NR2F6: variants seen among roughly 807,000 people sequenced by gnomAD.
NR2F6 encodes the protein nuclear receptor subfamily 2 group F member 6, also known as ERBA-related gene-2.
In NR2F6, 16 loss-of-function variants were observed where a neutral mutation model predicts 26.5. The ratio of observed to expected loss-of-function variants is 0.60; its 90% confidence interval spans 0.41 to 0.92. The LOEUF is 0.92. Ranked by LOEUF, NR2F6 falls within the 40% of genes least tolerant of loss-of-function variation. The pLI, the probability that NR2F6 is intolerant of heterozygous loss-of-function variation, is 0.00. For missense variants in NR2F6, 536 were observed against 631.7 expected, an observed-to-expected ratio of 0.85 and a Z score of 1.62; for synonymous variants, 325 against 305.0, an observed-to-expected ratio of 1.07 and a Z score of -0.68.
intron 1 of NR2F6, among the ~76,000 whole-genome samples, chr19:17,241,982 T>G (rs551504213): frequency 1.5e-5 from 2 of 137,682 alleles, no homozygotes; most frequent in African/African-American, 5.5e-5. Context: ...ACCCACTGCA[T>G]TCCAGCCAGG....
In NR2F6 at chr19:17,232,359, C is replaced by G. The variant is rs770595526; in HGVS notation, c.1208G>C (p.Gly403Ala). ...GSTFNWPYGS[G>A]Q is the part of the protein sequence containing the mutation. Reference sequence around the variant, plus strand: ...CACGTGGCCCCGTCATGGTCACTGGCCCGAGCCGTAGGGCCAGTTGAAGGT... The same window carrying G: ...CACGTGGCCCCGTCATGGTCACTGGGCCGAGCCGTAGGGCCAGTTGAAGGT... Residue 403 changes from glycine (G) to alanine (A), a missense_variant, in exon 4 of 4, where the codon GGC (glycine) becomes GCC (alanine). By Grantham distance (60) the Gly-to-Ala change is moderately conservative. Coordinates refer to ENST00000291442, the MANE Select transcript of NR2F6 (RefSeq NM_005234.4). 6 of 1,613,710 alleles carry G rather than the reference C, an allele frequency of 3.7e-6. No individual in the cohort carries two copies. Among genetic ancestry groups the G allele is most frequent in the Non-Finnish European group, 4.2e-6 (5 of 1,180,042 alleles).
chr19:17,239,236 C>A (rs1206993671), intron 2 of NR2F6, among the ~76,000 whole-genome samples: 1 of 152,042 alleles, frequency 6.6e-6, no homozygotes, highest in Admixed American at 6.6e-5. Flanking sequence ...ACTCAGGAGG[C>A]TGAGGCAGGA....
At position 17,235,397 on chromosome 19, in the gene NR2F6, C is replaced by A. The variant is rs370386709; in HGVS notation, c.940+102G>T. 9 of 1,494,566 alleles carry A rather than the reference C, an allele frequency of 6.0e-6. No homozygotes were observed. Among genetic ancestry groups the A allele is most frequent in the Non-Finnish European group, 8.0e-6 (9 of 1,128,190 alleles). 92.6% of individuals were successfully genotyped at this position (1,494,566 alleles called of 1,614,324 possible). ...CGTGCAGGGCCCCAGGCCTAGGGAGCGAGCGGGGCGCTATGGGGGCCGGAG... is the reference window on the plus strand; with the variant it reads ...CGTGCAGGGCCCCAGGCCTAGGGAGAGAGCGGGGCGCTATGGGGGCCGGAG... On this transcript the variant is annotated intron_variant, in intron 3 of 3. Transcript: ENST00000291442. The surrounding 1 kb of genome is among the most constrained non-coding windows in gnomAD (Gnocchi z 5.0).
intron 3 of NR2F6, among the ~76,000 whole-genome samples, chr19:17,233,339 A>T (rs1216278274): frequency 6.7e-6 from 1 of 149,872 alleles, no homozygotes; most frequent in Non-Finnish European, 1.5e-5. Flanking sequence ...ACAAAACAAA[A>T]CAAAACAAAA....
rs368054717 is a variant in NR2F6 at position 17,244,984 on chromosome 19, A to G, written c.237T>C (p.Phe79=). ...GGTTGCGGCGGATGCTTCGCTTGAA[A>G]AAGCTCTTGCAGCCCTCGCAGGTGA... ...GVFTCEGCKS[F]FKRSIRRNLS... Residue 79 remains phenylalanine (F), a synonymous_variant, in exon 1 of 4, where the codon TTT becomes TTC. Coordinates refer to ENST00000291442, the MANE Select transcript of NR2F6 (RefSeq NM_005234.4). The G allele has an allele frequency of 1.9e-5, 30 of 1,579,390 alleles. No homozygotes were observed. The highest frequency in any genetic ancestry group is 2.5e-5 in the Non-Finnish European group (29 of 1,163,594).
rs2073434041 is a variant in NR2F6 at position 17,235,877 on chromosome 19, C to T, written c.562G>A (p.Ala188Thr). Reference protein sequence around the residue: ...PYPAAAGRFGAGGGAAGAVLG... With the variant: ...PYPAAAGRFGTGGGAAGAVLG... ...ACCGCGCCCGCCGCGCCGCCCCCTG[C>T]GCCGAAGCGTCCGGCCGCCGCAGGG... The change falls in exon 3 of 4, where the codon GCA (alanine) becomes ACA (threonine). Residue 188 changes from alanine (A) to threonine (T), a missense_variant. Ala to Thr is a moderately conservative substitution (Grantham distance 58). Coordinates refer to ENST00000291442, the MANE Select transcript of NR2F6 (RefSeq NM_005234.4). The surrounding 1 kb of genome is among the most constrained non-coding windows in gnomAD (Gnocchi z 5.0). 4 of 1,463,912 alleles carry T rather than the reference C, an allele frequency of 2.7e-6. No homozygotes were observed. The highest frequency in any genetic ancestry group is 3.6e-6 in the Non-Finnish European group (4 of 1,116,418). 90.7% of individuals were successfully genotyped at this position (1,463,912 alleles called of 1,614,324 possible). A position where few individuals can be genotyped will look rare whatever the true frequency, so the allele number is the denominator to read the frequency against.
chr19:17,234,051 C>T (rs1356045675), intron 3 of NR2F6, among the ~76,000 whole-genome samples: 1 of 151,904 alleles, frequency 6.6e-6, no homozygotes, highest in Admixed American at 6.6e-5. Context: ...GATGAAACCC[C>T]GTCTCTACTA....
intron 2 of NR2F6, among the ~76,000 whole-genome samples, chr19:17,239,193 T>G (rs2073455785): frequency 6.7e-6 from 1 of 149,718 alleles, no homozygotes; most frequent in South Asian, 2.1e-4. Context: ...AAAAATTAGC[T>G]GGGCGTGGTG....
At chr19:17,244,339 G>A (rs2073484677) in intron 1 of NR2F6, 1 of 152,738 alleles carries the variant, frequency 6.5e-6, no homozygotes, top group African/African-American at 2.4e-5. Flanking sequence ...GGTTCCCTGA[G>A]ATGGGCAAGC....
Position 17,232,000 on chromosome 19 carries a change from G to GCC in NR2F6, c.*350_*351dup. 1 of 300,144 alleles carries GCC rather than the reference G, an allele frequency of 3.3e-6. No individual in the cohort carries two copies. Among genetic ancestry groups the GCC allele is most frequent in the Non-Finnish European group, 6.3e-6 (1 of 159,662 alleles). 18.6% of individuals were successfully genotyped at this position (300,144 alleles called of 1,614,324 possible). On this transcript the variant is annotated 3_prime_UTR_variant, in exon 4 of 4. Coordinates refer to ENST00000291442, the MANE Select transcript of NR2F6 (RefSeq NM_005234.4). Reference sequence around the variant, plus strand: ...CTAGCTACCCCTGCCCACTGGAGCAGCCCCTCTGGCCGACGCCAGGCCTTT... The same window carrying GCC: ...CTAGCTACCCCTGCCCACTGGAGCAGCCCCCCTCTGGCCGACGCCAGGCCTTT...
In NR2F6 at chr19:17,232,603, C is replaced by T; in HGVS notation, c.964G>A (p.Ala322Thr). ...TTCTCCTGCAGGCTCTCAACGTGGG[C>T]CGGGTCTGAGAGGCCACAGGCGTCT... ...TPDACGLSDP[A>T]HVESLQEKAQ... Residue 322 changes from alanine (A) to threonine (T), a missense_variant, in exon 4 of 4, where the codon GCC becomes ACC. Coordinates refer to ENST00000291442, the MANE Select transcript of NR2F6 (RefSeq NM_005234.4). 6.4e-7 allele frequency: 1 copy of T among 1,554,566 alleles called. No individual in the cohort carries two copies.
chr19:17,240,341 G>A (rs1258587186), intron 2 of NR2F6, among the ~76,000 whole-genome samples: 1 of 152,244 alleles, frequency 6.6e-6, no homozygotes, highest in East Asian at 1.9e-4. Context: ...GCTGGAGTCG[G>A]GGGTAATTGG....
Position 17,245,371 on chromosome 19 carries a change from T to A in NR2F6, c.-151A>T. 1.7e-6 allele frequency: 1 copy of A among 585,652 alleles called. No individual in the cohort carries two copies. Among genetic ancestry groups the A allele is most frequent in the Non-Finnish European group, 2.4e-6 (1 of 422,606 alleles). The allele number at this position is 585,652 out of a possible 1,614,324, so 36.3% of individuals were successfully genotyped here. A position where few individuals can be genotyped will look rare whatever the true frequency, so the allele number is the denominator to read the frequency against. On this transcript the variant is annotated 5_prime_UTR_variant, in exon 1 of 4. Coordinates refer to ENST00000291442, the MANE Select transcript of NR2F6 (RefSeq NM_005234.4). The surrounding 1 kb of genome is among the most constrained non-coding windows in gnomAD (Gnocchi z 5.0). ...CCAAAAAAGTTTTGCAGCAACTTCC[T>A]GCGGCCGGTCCTCGCGCCCGGGCGG... is the stretch of plus-strand genomic sequence containing the variant.
chr19:17,245,277 C>T lies in NR2F6; in HGVS notation c.-57G>A, dbSNP rs1002062545. On this transcript the variant is annotated 5_prime_UTR_variant, in exon 1 of 4. Coordinates refer to ENST00000291442, the MANE Select transcript of NR2F6 (RefSeq NM_005234.4). This position sits in a 1 kb window ranked among gnomAD's most constrained non-coding sequence, Gnocchi z 5.0. ...ACCGCGCTCTTCCCTCCGGGCACCC[C>T]TCTCGGCCCGGGGGACCCTACGCGG... 3.3e-5 allele frequency: 39 copies of T among 1,198,122 alleles called. No homozygotes were observed. Among genetic ancestry groups the T allele is most frequent in the Admixed American group, 2.3e-4 (5 of 22,046 alleles). The allele number at this position is 1,198,122 out of a possible 1,614,324, so 74.2% of individuals were successfully genotyped here.
At chr19:17,243,235 C>A (rs556446283) in intron 1 of NR2F6, among the ~76,000 whole-genome samples, 3 of 152,326 alleles carry the variant, frequency 2.0e-5, no homozygotes, top group South Asian at 4.1e-4. Context: ...TCCCTGGGAC[C>A]CCAGATCCCA....
In NR2F6 at chr19:17,245,458, G is replaced by A. The variant is rs2073493603; in HGVS notation, c.-238C>T. The stretch of plus-strand genomic sequence containing the variant: ...CGTGCGCGGGGCCGGGCCCGGGGCC[G>A]GGAGGGGCACGCTAGAGGCGCGGGC... On this transcript the variant is annotated 5_prime_UTR_variant, in exon 1 of 4. Coordinates refer to ENST00000291442, the MANE Select transcript of NR2F6 (RefSeq NM_005234.4). This position sits in a 1 kb window ranked among gnomAD's most constrained non-coding sequence, Gnocchi z 5.0. 8.4e-6 allele frequency: 2 copies of A among 238,632 alleles called. No homozygotes were observed. The highest frequency in any genetic ancestry group is 7.8e-6 in the Non-Finnish European group (1 of 128,968). The allele number at this position is 238,632 out of a possible 1,614,324, so 14.8% of individuals were successfully genotyped here. A position where few individuals can be genotyped will look rare whatever the true frequency, so the allele number is the denominator to read the frequency against.
At chr19:17,244,848 A>C in intron 1 of NR2F6, 95 bp downstream of exon 1, 3 of 1,423,940 alleles carry the variant, frequency 2.1e-6, no homozygotes, top group African/African-American at 1.5e-5. Context: ...GGCCCAGGGA[A>C]GGTCAGCGCC....
In NR2F6 at chr19:17,245,033, G is replaced by A. The variant is rs1378058923; in HGVS notation, c.188C>T (p.Ser63Leu). Residue 63 changes from serine (S) to leucine (L), a missense_variant, in exon 1 of 4, where the codon TCG (serine) becomes TTG (leucine). Coordinates refer to ENST00000291442, the MANE Select transcript of NR2F6 (RefSeq NM_005234.4). The surrounding 1 kb of genome is among the most constrained non-coding windows in gnomAD (Gnocchi z 5.0). The stretch of plus-strand genomic sequence containing the variant: ...GAAGACACCGTAATGCTTGCCGCTC[G>A]ACTTGTCCCCGCACACCACGCAGTC... ...QVDCVVCGDK[S>L]SGKHYGVFTC... 6.2e-7 allele frequency: 1 copy of A among 1,602,868 alleles called. No homozygotes were observed.
In NR2F6 at chr19:17,234,635, G is replaced by A. The variant is rs547171130; in HGVS notation, c.940+864C>T. On this transcript the variant is annotated intron_variant, in intron 3 of 3. Coordinates refer to ENST00000291442, the MANE Select transcript of NR2F6 (RefSeq NM_005234.4). ...GGGTGGCTGAGGCAGGACTGGTTGC[G>A]CCCAGAAGCTCAAGACCAGCCTAGG... 6.3e-4 allele frequency among the ~76,000 whole-genome samples: 96 copies of A among 152,122 alleles called. 1 individual carries two copies. Among genetic ancestry groups the A allele is most frequent in the African/African-American group, 2.3e-3 (96 of 41,500 alleles).
Sources: allele counts gnomAD v4.1 joint callset (sites outside exome capture counted in the v4.1 genomes callset), GRCh38; gene constraint gnomAD v4.1.1; non-coding constraint Gnocchi (gnomAD v3.1); transcripts MANE v1.5; gene names NCBI Gene and HGNC (gene_info 2026-07-23, HGNC 2026-07-21).